Variants in MLLT10 observed in about 807,000 individuals in gnomAD.
MLLT10 encodes the protein protein AF-10.
MLLT10 carries 30 observed loss-of-function variants against 129.1 expected under a neutral mutation model. That is an observed-to-expected ratio of 0.23 (90% CI 0.17 to 0.32). The LOEUF (loss-of-function observed/expected upper bound fraction) is 0.32, where lower values mean the gene tolerates loss of function less well. Among genes scored for constraint, MLLT10 ranks in the 10% least tolerant of loss-of-function variants. The pLI, the probability that MLLT10 is intolerant of heterozygous loss-of-function variation, is 1.00. For missense variants in MLLT10, 1,119 were observed against 1,268.3 expected (o/e 0.88, Z 1.79); for synonymous variants, 490 against 446.4 (o/e 1.10, Z -1.23).
rs183561799 is a variant in MLLT10 at position 21,699,595 on chromosome 10, A to G, written c.1700-14177A>G. Reference sequence around the variant, plus strand: ...TACAGTTCTATTCTTTTGCATACAGATATCCAATTTTCCCAGCACCATTTT... The same window carrying G: ...TACAGTTCTATTCTTTTGCATACAGGTATCCAATTTTCCCAGCACCATTTT... On this transcript the variant is annotated intron_variant, in intron 13 of 22. Coordinates refer to ENST00000307729, the MANE Select transcript of MLLT10 (RefSeq NM_001195626.3). Among the ~76,000 whole-genome samples the G allele has an allele frequency of 2.6e-5, 4 of 151,954 alleles. No homozygotes were observed. The East Asian group carries it at 7.7e-4, about 29-fold the overall frequency.
chr10:21,674,882 T>C (rs913211221), intron 11 of MLLT10, among the ~76,000 whole-genome samples: 3 of 152,162 alleles, frequency 2.0e-5, no homozygotes, highest in African/African-American at 7.2e-5. Context: ...ATGATACAAT[T>C]TAATGAAGAA....
intron 14 of MLLT10, among the ~76,000 whole-genome samples, chr10:21,723,559 G>A (rs183135112): frequency 6.6e-6 from 1 of 152,320 alleles, no homozygotes; most frequent in East Asian, 1.9e-4. Flanking sequence ...GCATCTAGAA[G>A]TACACTTTAT....
intron 5 of MLLT10, among the ~76,000 whole-genome samples, chr10:21,605,941 G>A (rs1426080872): frequency 1.3e-5 from 2 of 151,012 alleles, no homozygotes; most frequent in South Asian, 4.2e-4. Context: ...CTTTTTTACC[G>A]AATTGAAGTT....
rs918205943 is a variant in MLLT10 at position 21,562,955 on chromosome 10, G to A, written c.241-23339G>A. ...CTGTCTCAGCCTTCTGAGTAGCTGG[G>A]ATTACAGGCATGTGCCACCACACCT... On this transcript the variant is annotated intron_variant, in intron 3 of 22. Coordinates refer to ENST00000307729, the MANE Select transcript of MLLT10 (RefSeq NM_001195626.3). 2.1e-4 allele frequency among the ~76,000 whole-genome samples: 32 copies of A among 151,454 alleles called. 1 individual carries two copies. Among genetic ancestry groups the A allele is most frequent in the Admixed American group, 6.6e-4 (10 of 15,170 alleles).
chr10:21,689,919 G>A (rs893926018), intron 13 of MLLT10, among the ~76,000 whole-genome samples: 13 of 151,758 alleles, frequency 8.6e-5, no homozygotes, highest in African/African-American at 3.1e-4. Flanking sequence ...TGAGGATCCT[G>A]GAAGTCAAAC....
At chr10:21,537,408 C>T (rs1460193922) in intron 2 of MLLT10, among the ~76,000 whole-genome samples, 1 of 152,164 alleles carries the variant, frequency 6.6e-6, no homozygotes, top group Non-Finnish European at 1.5e-5. Context: ...TGTGATTCTC[C>T]TGCCTCAGCC....
chr10:21,742,470 C>G lies in MLLT10; in HGVS notation c.*487C>G, dbSNP rs532662736. ...GAACTAATTTCTTCTCCTGGAGTTG[C>G]ATTGATTCAGTATTACAAATATATA... is the stretch of plus-strand genomic sequence containing the variant. On this transcript the variant is annotated 3_prime_UTR_variant, in exon 23 of 23. Coordinates refer to ENST00000307729, the MANE Select transcript of MLLT10 (RefSeq NM_001195626.3). The G allele has an allele frequency of 2.3e-5, 5 of 216,076 alleles. No individual in the cohort carries two copies. The South Asian group carries it at 9.3e-4, about 40-fold the overall frequency. 13.4% of individuals were successfully genotyped at this position (216,076 alleles called of 1,614,324 possible). A position where few individuals can be genotyped will look rare whatever the true frequency, so the allele number is the denominator to read the frequency against.
At chr10:21,556,608 G>T in intron 3 of MLLT10, 1 of 1,541,876 alleles carries the variant, frequency 6.5e-7, no homozygotes, top group East Asian at 2.3e-5. Flanking sequence ...GCGTTAGTAT[G>T]TAGTGAATAA....
intron 9 of MLLT10, among the ~76,000 whole-genome samples, chr10:21,664,459 G>T (rs1184229060): frequency 6.6e-6 from 1 of 151,554 alleles, no homozygotes; most frequent in Non-Finnish European, 1.5e-5. Flanking sequence ...GACTTACCCA[G>T]CTAATTTTTG....
chr10:21,735,346 CAA>C (rs963724219), intron 21 of MLLT10, 111 bp downstream of exon 21: 2 of 954,592 alleles, frequency 2.1e-6, no homozygotes, highest in Admixed American at 2.4e-5. Flanking sequence ...AATGCATAAT[CAA>C]AAAAGTTTTT....
At chr10:21,535,386 C>T (rs1478966214) in intron 2 of MLLT10, among the ~76,000 whole-genome samples, 1 of 152,130 alleles carries the variant, frequency 6.6e-6, no homozygotes, top group East Asian at 1.9e-4. Flanking sequence ...GGCCCTGCCG[C>T]CGCCGCCCGG....
Position 21,651,665 on chromosome 10 carries a change from G to A in MLLT10, c.700-8G>A, listed in dbSNP as rs143936689. The A allele has an allele frequency of 2.9e-5, 46 of 1,602,464 alleles. 1 individual carries two copies. The highest frequency in any genetic ancestry group is 1.6e-4 in the African/African-American group (12 of 74,480). ...TTAAAATTGGATTTTACTTATATTCGTTTTTAGAAATATAAAGAGAAGGAC... is the reference window on the plus strand; with the variant it reads ...TTAAAATTGGATTTTACTTATATTCATTTTTAGAAATATAAAGAGAAGGAC... On this transcript the variant is annotated splice_polypyrimidine_tract_variant and splice_region_variant and intron_variant, in intron 8 of 22. Transcript: ENST00000307729.
chr10:21,548,175 T>C (rs998431890), intron 3 of MLLT10, among the ~76,000 whole-genome samples: 8 of 152,132 alleles, frequency 5.3e-5, no homozygotes, highest in Non-Finnish European at 4.4e-5. Context: ...TCTTTTGAGT[T>C]TGTTTATCCT....
intron 13 of MLLT10, among the ~76,000 whole-genome samples, chr10:21,698,010 CAG>C (rs1203399976): frequency 1.3e-5 from 2 of 152,158 alleles, no homozygotes; most frequent in Non-Finnish European, 2.9e-5. Flanking sequence ...CTGAGCAAGT[CAG>C]GGTATGTGGG....
chr10:21,727,908 C>T lies in MLLT10; in HGVS notation c.2043C>T (p.Pro681=). 6.2e-7 allele frequency: 1 copy of T among 1,613,912 alleles called. No homozygotes were observed. The highest frequency in any genetic ancestry group is 8.5e-7 in the Non-Finnish European group (1 of 1,179,956). The change falls in exon 16 of 23, where the codon CCC becomes CCT. Residue 681 remains proline (P), a synonymous_variant. Coordinates refer to ENST00000307729, the MANE Select transcript of MLLT10 (RefSeq NM_001195626.3). ...ACCTAGTTGGCAGAGGAAGCTCACC[C>T]CGAGGAAGTCTCTCGCCACGGTAAG... ...SRNLVGRGSS[P]RGSLSPRSPV...
chr10:21,655,922 TGAA>T (rs1445562606), intron 9 of MLLT10, among the ~76,000 whole-genome samples: 1 of 152,112 alleles, frequency 6.6e-6, no homozygotes, highest in East Asian at 1.9e-4. Context: ...TTTCAGCTGT[TGAA>T]GGAGGGGTGG....
chr10:21,673,246 T>C, intron 10 of MLLT10, 104 bp from the exon 11 acceptor site: 7 of 687,032 alleles, frequency 1.0e-5, no homozygotes, highest in Non-Finnish European at 1.6e-5. Flanking sequence ...ACTCTTCTCT[T>C]TAATGATTAT....
At chr10:21,720,012 T>C (rs1174401901) in intron 14 of MLLT10, among the ~76,000 whole-genome samples, 2 of 152,236 alleles carry the variant, frequency 1.3e-5, no homozygotes, top group Admixed American at 1.3e-4. Context: ...GCCTTTGTCC[T>C]ACAGTAATTT....
intron 4 of MLLT10, among the ~76,000 whole-genome samples, chr10:21,592,010 T>C (rs537111157): frequency 1.2e-4 from 19 of 152,228 alleles, no homozygotes; most frequent in Non-Finnish European, 1.6e-4. Context: ...CGTGAGCCAC[T>C]GCACCTGGCC....
Sources: allele counts gnomAD v4.1 joint callset (sites outside exome capture counted in the v4.1 genomes callset), GRCh38; gene constraint gnomAD v4.1.1; transcripts MANE v1.5; gene names NCBI Gene and HGNC (gene_info 2026-07-23, HGNC 2026-07-21).